The following CEP135 variants were observed in gnomAD, a reference collection of about 807,000 sequenced individuals.
CEP135 encodes centrosomal protein 135.
CEP135 carries 142 observed loss-of-function variants against 157.3 expected under a neutral mutation model. The observed-to-expected ratio is 0.90, with a 90% CI of 0.79 to 1.04. The LOEUF is 1.04. Ranked by LOEUF, CEP135 falls within the 50% of genes least tolerant of loss-of-function variation. The pLI, the probability that CEP135 is intolerant of heterozygous loss-of-function variation, is 0.00. For synonymous variants in CEP135, 396 were observed against 439.8 expected (o/e 0.90, Z 1.25); for missense variants, 1,317 against 1,309.2 (o/e 1.01, Z -0.09).
chr4:55,971,733 G>C (rs1729032861), intron 10 of CEP135, among the ~76,000 whole-genome samples: 2 of 152,162 alleles, frequency 1.3e-5, no homozygotes, highest in African/African-American at 4.8e-5. Flanking sequence ...TTGAAGTACA[G>C]AATCTTTTCA....
Position 55,979,901 on chromosome 4 carries a change from G to A in CEP135, c.1474-242G>A, listed in dbSNP as rs376859021. 2.6e-4 allele frequency among the ~76,000 whole-genome samples: 39 copies of A among 152,300 alleles called. 1 individual carries two copies. The South Asian group carries it at 5.8e-3, about 23-fold the overall frequency. On this transcript the variant is annotated intron_variant, in intron 11 of 25. Transcript: ENST00000257287. ...AAAGTTGAAACATCTCATGGGATCT[G>A]ATCAAGTCACATCATTGGCAGCTAA...
At chr4:55,994,654 CA>C (rs1263886403) in intron 15 of CEP135, among the ~76,000 whole-genome samples, 1 of 151,712 alleles carries the variant, frequency 6.6e-6, no homozygotes, top group Admixed American at 6.6e-5. Context: ...ATTTTATTAC[CA>C]ACAAACAGGC....
rs548174062 is a variant in CEP135, at chr4:56,024,662, A to G, written c.*11+48A>G. On this transcript the variant is annotated intron_variant, in intron 25 of 25. Coordinates refer to ENST00000257287, the MANE Select transcript of CEP135 (RefSeq NM_025009.5). The stretch of plus-strand genomic sequence containing the variant: ...AGGCAAAACTAATCTGTGGTTGTAA[A>G]AATTCAGAAAGTAGTTTTCTGCATC... 16 of 1,297,828 alleles carry G rather than the reference A, an allele frequency of 1.2e-5. No individual in the cohort carries two copies. In the African/African-American group the frequency reaches 2.3e-4, roughly 19 times the overall value. The allele number at this position is 1,297,828 out of a possible 1,614,324, so 80.4% of individuals were successfully genotyped here. A position where few individuals can be genotyped will look rare whatever the true frequency, so the allele number is the denominator to read the frequency against.
At chr4:55,983,681 G>A (rs769462381) in intron 13 of CEP135, among the ~76,000 whole-genome samples, 9 of 150,264 alleles carry the variant, frequency 6.0e-5, no homozygotes, top group African/African-American at 9.8e-5. Context: ...TGCAACCTCC[G>A]CCTCTCAAGT....
At chr4:55,985,946 A>T (rs535575806) in intron 14 of CEP135, among the ~76,000 whole-genome samples, 14 of 152,120 alleles carry the variant, frequency 9.2e-5, no homozygotes, top group Non-Finnish European at 1.5e-5. Context: ...ACTCCAAAAA[A>T]AATCACAAAA....
At chr4:55,959,650 G>C in intron 5 of CEP135, 32 bp from the exon 6 acceptor site, 1 of 1,541,062 alleles carries the variant, frequency 6.5e-7, no homozygotes, top group Non-Finnish European at 9.0e-7. Flanking sequence ...CTTAACAAAA[G>C]TGTATTGGCA....
intron 21 of CEP135, among the ~76,000 whole-genome samples, 179 bp downstream of exon 21, chr4:56,012,164 T>G (rs1269877054): frequency 2.0e-5 from 3 of 152,104 alleles, no homozygotes; most frequent in Non-Finnish European, 4.4e-5. Flanking sequence ...AAGCGATTCT[T>G]CTGTCTCAGC....
At chr4:56,016,552 A>G (rs937987025) in intron 21 of CEP135, among the ~76,000 whole-genome samples, 1 of 152,210 alleles carries the variant, frequency 6.6e-6, no homozygotes, top group African/African-American at 2.4e-5. Flanking sequence ...ACAATACAAT[A>G]CTAAAGTATT....
chr4:56,029,405 C>T (rs1731262916), intron 25 of CEP135, among the ~76,000 whole-genome samples: 1 of 152,164 alleles, frequency 6.6e-6, no homozygotes, highest in South Asian at 2.1e-4. Flanking sequence ...AGCTCCCATC[C>T]TGAAGCTATT....
intron 10 of CEP135, among the ~76,000 whole-genome samples, 163 bp from the exon 11 acceptor site, chr4:55,974,583 C>T (rs1269821904): frequency 6.6e-6 from 1 of 152,052 alleles, no homozygotes; most frequent in African/African-American, 2.4e-5. Flanking sequence ...CTTCTTTCCT[C>T]TCAATATTTA....
At chr4:55,981,565 ATTTG>A (rs1036558086) in intron 13 of CEP135, among the ~76,000 whole-genome samples, 186 bp downstream of exon 13, 2 of 152,284 alleles carry the variant, frequency 1.3e-5, no homozygotes, top group African/African-American at 2.4e-5. Flanking sequence ...TACCTTGCTT[ATTTG>A]TTTATGTATT....
chr4:55,959,352 G>A (rs1728606477), intron 5 of CEP135, among the ~76,000 whole-genome samples: 1 of 152,202 alleles, frequency 6.6e-6, no homozygotes, highest in African/African-American at 2.4e-5. Flanking sequence ...TCTGTGAATT[G>A]TGGAGTAAAC....
intron 5 of CEP135, 142 bp from the exon 6 acceptor site, chr4:55,959,540 T>A (rs1728613751): frequency 1.5e-6 from 1 of 688,646 alleles, no homozygotes; most frequent in South Asian, 1.7e-5. Flanking sequence ...TTTATATTGA[T>A]TTGGGGACCC....
chr4:55,986,012 ATTAC>A (rs1729569714), intron 14 of CEP135, among the ~76,000 whole-genome samples: 1 of 152,164 alleles, frequency 6.6e-6, no homozygotes, highest in African/African-American at 2.4e-5. Flanking sequence ...CTGAAGGCTG[ATTAC>A]TTGGGTTCAG....
At chr4:55,985,149 T>C in intron 13 of CEP135, 132 bp from the exon 14 acceptor site, 2 of 466,468 alleles carry the variant, frequency 4.3e-6, no homozygotes, top group East Asian at 6.2e-5. Context: ...ATGATTTTCT[T>C]TCTAAAACAT....
At chr4:55,995,703 C>T (rs1729946987) in intron 15 of CEP135, among the ~76,000 whole-genome samples, 1 of 152,168 alleles carries the variant, frequency 6.6e-6, no homozygotes, top group Admixed American at 6.5e-5. Context: ...AAACCATTTA[C>T]ACCACTCAGG....
At chr4:55,994,189 G>A (rs1729888513) in intron 15 of CEP135, among the ~76,000 whole-genome samples, 1 of 152,144 alleles carries the variant, frequency 6.6e-6, no homozygotes. Flanking sequence ...ATGATTAATA[G>A]AGCTCTTGCT....
rs1041798799 is a variant in CEP135 at position 55,954,381 on chromosome 4, C to T, written c.470C>T (p.Pro157Leu). The stretch of plus-strand genomic sequence containing the variant: ...AATTTGCATGCTGTAGTACAAACTC[C>T]AGGTAAATCGATTCCTTCTCGAGAC... ...EKNLHAVVQT[P>L]GGKKRSIAFR... is the part of the protein sequence containing the mutation. The change falls in exon 4 of 26, where the codon CCA (proline) becomes CTA (leucine). Residue 157 changes from proline (P) to leucine (L), a missense_variant and splice_region_variant. Pro to Leu is a moderately conservative substitution (Grantham distance 98). Coordinates refer to ENST00000257287, the MANE Select transcript of CEP135 (RefSeq NM_025009.5). 3 of 1,587,406 alleles carry T rather than the reference C, an allele frequency of 1.9e-6. No homozygotes were observed. The Admixed American group carries it at 5.7e-5, about 30-fold the overall frequency.
At position 56,011,283 on chromosome 4, in the gene CEP135, A is replaced by G. The variant is rs893063750; in HGVS notation, c.2506-129A>G. ...GCCAGGAAAAATATGTGAAAATAAC[A>G]CTTAGGAACAGTTTTCCTTTTGCCC... On this transcript the variant is annotated intron_variant, in intron 19 of 25. Transcript: ENST00000257287. The G allele has an allele frequency of 1.3e-5, 8 of 618,826 alleles. No individual in the cohort carries two copies. The African/African-American group carries it at 1.5e-4, about 12-fold the overall frequency. 38.3% of individuals were successfully genotyped at this position (618,826 alleles called of 1,614,324 possible). A position where few individuals can be genotyped will look rare whatever the true frequency, so the allele number is the denominator to read the frequency against.
Sources: allele counts gnomAD v4.1 joint callset (sites outside exome capture counted in the v4.1 genomes callset), GRCh38; gene constraint gnomAD v4.1.1; transcripts MANE v1.5; gene names NCBI Gene and HGNC (gene_info 2026-07-23, HGNC 2026-07-21).